Variants in TYK2 observed in about 807,000 individuals in gnomAD.
TYK2 encodes the protein non-receptor tyrosine-protein kinase TYK2.
A neutral mutation model predicts 130.9 loss-of-function variants in TYK2; 65 were observed. The ratio of observed to expected loss-of-function variants is 0.50; its 90% CI spans 0.41 to 0.61. The LOEUF is 0.61. Ranked by LOEUF, TYK2 falls within the 20% of genes least tolerant of loss-of-function variation. The probability of loss-of-function intolerance (pLI) is 0.00; values close to 1 mark genes in which losing one functional copy is unlikely to be tolerated. For synonymous variants in TYK2, 647 were observed against 658.9 expected, an observed-to-expected ratio of 0.98 and a Z score of 0.28; for missense variants, 1,378 against 1,610.7, an observed-to-expected ratio of 0.86 and a Z score of 2.47.
At chr19:10,379,895 T>C (rs1233542711) in intron 1 of TYK2, 116 bp from the exon 2 acceptor site, 1 of 152,340 alleles carries the variant, frequency 6.6e-6, no homozygotes, top group Admixed American at 6.6e-5. Context: ...CTCCCACATT[T>C]ACCCCCATGA....
chr19:10,352,651 C>A, intron 22 of TYK2, 100 bp from the exon 23 acceptor site: 1 of 752,206 alleles, frequency 1.3e-6, no homozygotes, highest in South Asian at 1.7e-5. Flanking sequence ...ACCCTCTGGG[C>A]TCAGTTGGGA....
intron 19 of TYK2, 31 bp from the exon 20 acceptor site, chr19:10,354,265 C>T (rs1418437076): frequency 6.2e-7 from 1 of 1,605,716 alleles, no homozygotes; most frequent in African/African-American, 1.3e-5. Flanking sequence ...GTCAGCTCCA[C>T]CTCCCCAATC....
chr19:10,359,011 C>T (rs2041253752), intron 15 of TYK2, among the ~76,000 whole-genome samples, 164 bp downstream of exon 15: 1 of 152,090 alleles, frequency 6.6e-6, no homozygotes, highest in South Asian at 2.1e-4. Flanking sequence ...TGCAGTGAGC[C>T]GAGATCATGC....
In TYK2 at chr19:10,378,239, G is replaced by C; in HGVS notation, c.168C>G (p.Val56=). 1 of 1,612,944 alleles carries C rather than the reference G, an allele frequency of 6.2e-7. No individual in the cohort carries two copies. The highest frequency in any genetic ancestry group is 1.1e-5 in the South Asian group (1 of 91,076). Residue 56 remains valine, a synonymous_variant, in exon 3 of 25, where the codon GTC becomes GTG. Transcript: ENST00000525621. ...CAACTTTATGTGCAATGTGGATGCA[G>C]ACTTCCTCAGCTGTCAGCGATGACT... ...FSESSLTAEE[V]CIHIAHKVGI...
Position 10,356,726 on chromosome 19 carries a change from G to T in TYK2, c.2467-8C>A. On this transcript the variant is annotated splice_region_variant and splice_polypyrimidine_tract_variant and intron_variant, in intron 17 of 24. Coordinates refer to ENST00000525621, the MANE Select transcript of TYK2 (RefSeq NM_003331.5). ...CTGGTAGAAATGCTCCTTCTGTTGGGAAAGGGACCCAGAGGAGTCAACATC... is the reference window on the plus strand; with the variant it reads ...CTGGTAGAAATGCTCCTTCTGTTGGTAAAGGGACCCAGAGGAGTCAACATC... The T allele has an allele frequency of 6.2e-7, 1 of 1,600,108 alleles. No homozygotes were observed. The highest frequency in any genetic ancestry group is 8.5e-7 in the Non-Finnish European group (1 of 1,173,792).
In TYK2 at chr19:10,376,146, A is replaced by G. The variant is rs796213939; in HGVS notation, c.193+2068T>C. Among the ~76,000 whole-genome samples, 420 of 135,834 alleles carry G rather than the reference A, an allele frequency of 3.1e-3. No homozygotes were observed. The Middle Eastern group carries it at 0.041, about 13-fold the overall frequency. 89.1% of individuals were successfully genotyped at this position (135,834 alleles called of 152,430 possible). ...TCCTGCCTCAGCCTCCTGAGTAGCT[A>G]GGATTGCAGGCACCTGCCACCATGC... On this transcript the variant is annotated intron_variant, in intron 3 of 24. Transcript: ENST00000525621.
chr19:10,378,424 C>T lies in TYK2; in HGVS notation c.-18G>A, dbSNP rs764918730. 13 of 1,605,254 alleles carry T rather than the reference C, an allele frequency of 8.1e-6. No individual in the cohort carries two copies. The highest frequency in any genetic ancestry group is 5.9e-6 in the Non-Finnish European group (7 of 1,179,594). On this transcript the variant is annotated splice_region_variant and 5_prime_UTR_variant, in exon 3 of 25. Coordinates refer to ENST00000525621, the MANE Select transcript of TYK2 (RefSeq NM_003331.5). Reference sequence around the variant, plus strand: ...AGAGGCATGCTCCCGGCAGGTGGCTCAGCTGGAAAGGGGACAATCTGTCAG... The same window carrying T: ...AGAGGCATGCTCCCGGCAGGTGGCTTAGCTGGAAAGGGGACAATCTGTCAG...
rs543965548 is a variant in TYK2 at position 10,378,365 on chromosome 19, G to A, written c.42C>T (p.Pro14=). 168 of 1,612,222 alleles carry A rather than the reference G, an allele frequency of 1.0e-4. No homozygotes were observed. In the South Asian group the frequency reaches 1.4e-3, roughly 14 times the overall value. Residue 14 remains proline (P), a synonymous_variant, in exon 3 of 25, where the codon CCC becomes CCT. Coordinates refer to ENST00000525621, the MANE Select transcript of TYK2 (RefSeq NM_003331.5). ...RHWGMARGSK[P]VGDGAQPMAA... ...CCATGGGCTGGGCTCCATCCCCAAC[G>A]GGCTTACTGCCCCTGGCCATCCCCC... is the stretch of plus-strand genomic sequence containing the variant.
chr19:10,378,096 G>T, intron 3 of TYK2, 118 bp downstream of exon 3: 1 of 1,020,642 alleles, frequency 9.8e-7, no homozygotes, highest in Non-Finnish European at 1.4e-6. Context: ...ATGGATGGAT[G>T]GATGAGTGGG....
intron 3 of TYK2, among the ~76,000 whole-genome samples, chr19:10,371,414 G>T (rs1019263541): frequency 2.7e-4 from 41 of 152,096 alleles, no homozygotes; most frequent in African/African-American, 9.9e-4. Flanking sequence ...GCTGAGGGAG[G>T]CGGATCACCT....
chr19:10,356,878 G>A lies in TYK2; in HGVS notation c.2467-160C>T, dbSNP rs1032661842. Reference sequence around the variant, plus strand: ...CTGAGGCTCCACAAAGTGGGAGGACGTGCTCACAGCCGTAGAACCAGGACT... The same window carrying A: ...CTGAGGCTCCACAAAGTGGGAGGACATGCTCACAGCCGTAGAACCAGGACT... On this transcript the variant is annotated intron_variant, in intron 17 of 24. Transcript: ENST00000525621. 56 of 739,472 alleles carry A rather than the reference G, an allele frequency of 7.6e-5. No individual in the cohort carries two copies. The East Asian group carries it at 1.2e-3, about 16-fold the overall frequency. The allele number at this position is 739,472 out of a possible 1,614,324, so 45.8% of individuals were successfully genotyped here. A position where few individuals can be genotyped will look rare whatever the true frequency, so the allele number is the denominator to read the frequency against.
chr19:10,365,676 G>A lies in TYK2; in HGVS notation c.852C>T (p.Ala284=). 1 of 1,613,356 alleles carries A rather than the reference G, an allele frequency of 6.2e-7. No homozygotes were observed. The highest frequency in any genetic ancestry group is 8.5e-7 in the Non-Finnish European group (1 of 1,179,856). ...RVPVCHLRLL[A]QAEGEPCYIR... ...TGTAGCAGGGCTCCCCCTCGGCCTG[G>A]GCCAGCAGCCTCAGGTGGCACACGG... The change falls in exon 7 of 25, where the codon GCC becomes GCT. Residue 284 remains alanine, a synonymous_variant. Coordinates refer to ENST00000525621, the MANE Select transcript of TYK2 (RefSeq NM_003331.5).
chr19:10,360,114 G>A (rs1031843831), intron 14 of TYK2, among the ~76,000 whole-genome samples: 3 of 151,830 alleles, frequency 2.0e-5, no homozygotes, highest in Non-Finnish European at 2.9e-5. Context: ...CCCGGGAGGC[G>A]GAGGTTGCAG....
At chr19:10,367,494 G>A (rs761591222) in intron 5 of TYK2, among the ~76,000 whole-genome samples, 4 of 152,014 alleles carry the variant, frequency 2.6e-5, no homozygotes, top group East Asian at 1.9e-4. Flanking sequence ...GGGTGGTGGC[G>A]GGCTTCTGTA....
intron 23 of TYK2, 27 bp downstream of exon 23, chr19:10,352,407 C>G: frequency 1.4e-6 from 2 of 1,475,896 alleles, no homozygotes; most frequent in Non-Finnish European, 1.9e-6. Context: ...AGCAAACTCC[C>G]GGTGGGGCTG....
chr19:10,353,190 A>G lies in TYK2; in HGVS notation c.3028-92T>C. The stretch of plus-strand genomic sequence containing the variant: ...TGAGCAGCCAGGAGGGCTGGGGGAC[A>G]GTCAGGTCAGGCCGGTGGCTACCCG... On this transcript the variant is annotated intron_variant, in intron 21 of 24. Coordinates refer to ENST00000525621, the MANE Select transcript of TYK2 (RefSeq NM_003331.5). This position sits in a 1 kb window ranked among gnomAD's most constrained non-coding sequence, Gnocchi z 6.9. The G allele has an allele frequency of 1.7e-6, 2 of 1,207,088 alleles. No homozygotes were observed. Among genetic ancestry groups the G allele is most frequent in the Non-Finnish European group, 2.2e-6 (2 of 904,766 alleles). 74.8% of individuals were successfully genotyped at this position (1,207,088 alleles called of 1,614,324 possible). A position where few individuals can be genotyped will look rare whatever the true frequency, so the allele number is the denominator to read the frequency against.
intron 18 of TYK2, among the ~76,000 whole-genome samples, chr19:10,355,841 A>T (rs1330287083): frequency 6.6e-6 from 1 of 151,838 alleles, no homozygotes; most frequent in African/African-American, 2.4e-5. Context: ...GGGCGCCTGT[A>T]GTCCCAGCTA....
chr19:10,354,193 G>T lies in TYK2; in HGVS notation c.2757C>A (p.Thr919=). ...GKVSLYCYDP[T]NDGTGEMVAV... is the part of the protein sequence containing the mutation. ...CCACCATCTCGCCAGTGCCGTCGTT[G>T]GTCGGATCGTAGCAGTACAAGCTGA... is the stretch of plus-strand genomic sequence containing the variant. The change falls in exon 20 of 25, where the codon ACC becomes ACA. Residue 919 remains threonine, a synonymous_variant. Coordinates refer to ENST00000525621, the MANE Select transcript of TYK2 (RefSeq NM_003331.5). 1 of 1,613,648 alleles carries T rather than the reference G, an allele frequency of 6.2e-7. No individual in the cohort carries two copies.
intron 17 of TYK2, chr19:10,357,547 T>C: frequency 1.4e-6 from 1 of 732,884 alleles, no homozygotes; most frequent in Non-Finnish European, 2.4e-6. Flanking sequence ...TCAAGTCTCT[T>C]ACTTGCCTTC....
Sources: gnomAD v4.1 joint callset for allele counts (sites outside exome capture counted in the v4.1 genomes callset) on GRCh38, gnomAD v4.1.1 for gene constraint, Gnocchi (gnomAD v3.1) non-coding constraint, MANE v1.5 for transcripts, NCBI Gene and HGNC (gene_info 2026-07-23, HGNC 2026-07-21) for gene names.